GALNTL6: variants seen among roughly 807,000 people sequenced by gnomAD.
GALNTL6 encodes polypeptide N-acetylgalactosaminyltransferase like 6, also known as polypeptide N-acetylgalactosaminyltransferase-like 6.
In GALNTL6, 46 loss-of-function variants were observed where a neutral mutation model predicts 73.7. That is an observed-to-expected ratio of 0.62 (90% confidence interval 0.49 to 0.80). The LOEUF is 0.80. Ranked by LOEUF, GALNTL6 falls within the 30% of genes least tolerant of loss-of-function variation. The probability of loss-of-function intolerance (pLI) is 0.00; values close to 1 mark genes in which losing one functional copy is unlikely to be tolerated. For missense variants in GALNTL6, 604 were observed against 755.0 expected (o/e 0.80, Z 2.34); for synonymous variants, 259 against 263.7 (o/e 0.98, Z 0.17).
At chr4:172,309,735 T>TA (rs939160421) in intron 3 of GALNTL6, among the ~76,000 whole-genome samples, 18 of 134,902 alleles carry the variant, frequency 1.3e-4, no homozygotes, top group Admixed American at 3.2e-4. Flanking sequence ...CACTAGTTTT[T>TA]AAAAATTATT....
At chr4:172,367,985 C>T (rs997040340) in intron 5 of GALNTL6, among the ~76,000 whole-genome samples, 1 of 152,118 alleles carries the variant, frequency 6.6e-6, no homozygotes. Flanking sequence ...TAACTGAAGA[C>T]ACAAAATGAT....
chr4:172,520,202 C>A (rs1734732653), intron 5 of GALNTL6, among the ~76,000 whole-genome samples: 1 of 151,826 alleles, frequency 6.6e-6, no homozygotes, highest in East Asian at 1.9e-4. Context: ...ATGTCGGTGT[C>A]AATACTGCAG....
At chr4:172,192,792 T>C (rs560240266) in intron 2 of GALNTL6, among the ~76,000 whole-genome samples, 2 of 152,124 alleles carry the variant, frequency 1.3e-5, no homozygotes, top group South Asian at 4.1e-4. Flanking sequence ...TGGACACTGC[T>C]TAAGATGAAC....
chr4:171,876,324 G>A (rs1349937385), intron 2 of GALNTL6, among the ~76,000 whole-genome samples: 1 of 152,156 alleles, frequency 6.6e-6, no homozygotes, highest in African/African-American at 2.4e-5. Context: ...TATTACTAGA[G>A]TTGTACTGAA....
At chr4:172,815,019 T>G (rs572628316) in intron 7 of GALNTL6, among the ~76,000 whole-genome samples, 2 of 152,190 alleles carry the variant, frequency 1.3e-5, no homozygotes, top group Non-Finnish European at 2.9e-5. Context: ...TCAAAACTAC[T>G]AGAAAATCTT....
At chr4:172,294,718 G>A (rs1739603090) in intron 3 of GALNTL6, among the ~76,000 whole-genome samples, 1 of 152,112 alleles carries the variant, frequency 6.6e-6, no homozygotes, top group Non-Finnish European at 1.5e-5. Context: ...TTTGCTAATG[G>A]TGAATGAAAC....
intron 2 of GALNTL6, among the ~76,000 whole-genome samples, chr4:172,113,973 C>G (rs1732922982): frequency 6.6e-6 from 1 of 152,074 alleles, no homozygotes; most frequent in Non-Finnish European, 1.5e-5. Context: ...ATTATAACTA[C>G]TCAATCTCTT....
intron 3 of GALNTL6, among the ~76,000 whole-genome samples, chr4:172,239,031 A>G (rs941340873): frequency 6.6e-6 from 1 of 152,090 alleles, no homozygotes; most frequent in South Asian, 2.1e-4. Flanking sequence ...TTTTGCATCT[A>G]TGTTCATCAA....
rs542961039 is a variant in GALNTL6, at chr4:171,961,395, G to T, written c.138+146677G>T. ...GGAGAAGAATTTACCCAACTCATAG[G>T]TATTTGATGGTACAAACCCATGGCT... On this transcript the variant is annotated intron_variant, in intron 2 of 12. Transcript: ENST00000506823. Among the ~76,000 whole-genome samples, 48 of 152,102 alleles carry T rather than the reference G, an allele frequency of 3.2e-4. 2 individuals are homozygous for T. The South Asian group carries it at 1.0e-2, about 32-fold the overall frequency.
intron 6 of GALNTL6, among the ~76,000 whole-genome samples, chr4:172,813,312 G>T (rs950456933): frequency 6.6e-5 from 10 of 152,096 alleles, no homozygotes; most frequent in African/African-American, 2.4e-4. Context: ...GTCTCTCTGG[G>T]ACATAACTTT....
chr4:172,046,012 C>T (rs191560585), intron 2 of GALNTL6, among the ~76,000 whole-genome samples: 113 of 152,104 alleles, frequency 7.4e-4, no homozygotes, highest in Non-Finnish European at 1.1e-3. Context: ...CCATGTCTTG[C>T]AAATAGCATA....
chr4:171,979,870 C>A (rs1739843020), intron 2 of GALNTL6, among the ~76,000 whole-genome samples: 1 of 151,282 alleles, frequency 6.6e-6, no homozygotes, highest in African/African-American at 2.4e-5. Flanking sequence ...TATTTGAAGA[C>A]AAAATTGTTA....
intron 5 of GALNTL6, among the ~76,000 whole-genome samples, chr4:172,702,833 T>C (rs1188584626): frequency 6.6e-6 from 1 of 151,952 alleles, no homozygotes; most frequent in African/African-American, 2.4e-5. Context: ...TAGTTTTTTT[T>C]GTCATTATAA....
At chr4:172,504,264 T>G (rs186507484) in intron 5 of GALNTL6, among the ~76,000 whole-genome samples, 1,166 of 52,502 alleles carry the variant, frequency 0.022, 452 homozygotes, top group African/African-American at 0.052. Context: ...GTATTGTTCT[T>G]ACATGTCCTA....
At chr4:172,343,524 GA>G (rs1462424534) in intron 4 of GALNTL6, among the ~76,000 whole-genome samples, 7 of 151,740 alleles carry the variant, frequency 4.6e-5, no homozygotes, top group South Asian at 2.1e-4. Context: ...TTTTATTGTT[GA>G]AAAAACCACT....
rs529338096 is a variant in GALNTL6, at chr4:172,491,020, T to G, written c.553+142331T>G. Among the ~76,000 whole-genome samples, 3 of 126,858 alleles carry G rather than the reference T, an allele frequency of 2.4e-5. No homozygotes were observed. In the South Asian group the frequency reaches 8.9e-4, roughly 38 times the overall value. 83.2% of individuals were successfully genotyped at this position (126,858 alleles called of 152,430 possible). The stretch of plus-strand genomic sequence containing the variant: ...CTTGGCCCATGTAGTCAGGACCTTA[T>G]GTTGTCAAAAACAAAGACAAAAAAA... On this transcript the variant is annotated intron_variant, in intron 5 of 12. Transcript: ENST00000506823.
At chr4:172,813,211 T>C (rs1019886994) in intron 6 of GALNTL6, among the ~76,000 whole-genome samples, 1 of 152,200 alleles carries the variant, frequency 6.6e-6, no homozygotes, top group Non-Finnish European at 1.5e-5. Context: ...CTGTTTATAC[T>C]CTGCACATGT....
chr4:172,175,060 GAGAA>G (rs769381940), intron 2 of GALNTL6, among the ~76,000 whole-genome samples: 3 of 150,644 alleles, frequency 2.0e-5, no homozygotes, highest in African/African-American at 4.9e-5. Context: ...CAAAGTAATA[GAGAA>G]AGAGACAAAC....
chr4:172,081,889 T>G (rs567497867), intron 2 of GALNTL6, among the ~76,000 whole-genome samples: 1 of 150,194 alleles, frequency 6.7e-6, no homozygotes, highest in Non-Finnish European at 1.5e-5. Flanking sequence ...TTTTTTTTTT[T>G]AAATTGAGAC....
Sources: gnomAD v4.1 joint callset for allele counts (sites outside exome capture counted in the v4.1 genomes callset) on GRCh38, gnomAD v4.1.1 for gene constraint, MANE v1.5 for transcripts, NCBI Gene and HGNC (gene_info 2026-07-23, HGNC 2026-07-21) for gene names.